Variants in SLC14A2 observed in about 807,000 individuals in gnomAD.
SLC14A2 encodes the protein urea transporter 2.
Under a neutral mutation model 104.6 loss-of-function variants are expected in SLC14A2, and 91 were observed. The ratio of observed to expected loss-of-function variants is 0.87; its 90% CI spans 0.73 to 1.04. The LOEUF (loss-of-function observed/expected upper bound fraction) is 1.04, where lower values mean the gene tolerates loss of function less well. Among genes scored for constraint, SLC14A2 ranks in the 50% least tolerant of loss-of-function variants. The pLI, the probability that SLC14A2 is intolerant of heterozygous loss-of-function variation, is 0.00. For missense variants in SLC14A2, 1,189 were observed against 1,156.0 expected, an observed-to-expected ratio of 1.03 and a Z score of -0.41; for synonymous variants, 476 against 466.4, an observed-to-expected ratio of 1.02 and a Z score of -0.27.
chr18:45,374,667 G>T (rs1252161329), intron 1 of SLC14A2, among the ~76,000 whole-genome samples: 1 of 152,134 alleles, frequency 6.6e-6, no homozygotes, highest in African/African-American at 2.4e-5. Context: ...AGCCTCAGCT[G>T]CTGAAAACTT....
intron 2 of SLC14A2, among the ~76,000 whole-genome samples, chr18:45,548,617 T>G (rs893890452): frequency 1.3e-5 from 2 of 152,168 alleles, no homozygotes; most frequent in Admixed American, 6.5e-5. Flanking sequence ...TGTGGGATGA[T>G]TGCTTGAACC....
chr18:45,566,408 C>T (rs1283117990), intron 2 of SLC14A2, among the ~76,000 whole-genome samples: 1 of 152,118 alleles, frequency 6.6e-6, no homozygotes. Flanking sequence ...AAACTTTATT[C>T]AGATTTCCTA....
intron 2 of SLC14A2, among the ~76,000 whole-genome samples, chr18:45,586,533 G>A (rs1257356548): frequency 6.6e-6 from 1 of 152,212 alleles, no homozygotes; most frequent in Non-Finnish European, 1.5e-5. Context: ...CTGCTGAATG[G>A]AGAATATTCT....
At position 45,375,277 on chromosome 18, in the gene SLC14A2, AT is replaced by A. The variant is rs1343947233; in HGVS notation, c.-124-107955del. Among the ~76,000 whole-genome samples, 4 of 152,350 alleles carry A rather than the reference AT, an allele frequency of 2.6e-5. No individual in the cohort carries two copies. In the East Asian group the frequency reaches 7.7e-4, roughly 29 times the overall value. ...GATTAAAAATTATGGTTTAGGAATC[AT>A]GCAGCTGGAGGCTAAAAGATTCTGA... On this transcript the variant is annotated intron_variant, in intron 1 of 20. Coordinates refer to the SLC14A2 transcript ENST00000586448.
intron 1 of SLC14A2, among the ~76,000 whole-genome samples, chr18:45,268,418 T>C (rs1056495833): frequency 6.6e-6 from 1 of 152,196 alleles, no homozygotes; most frequent in Admixed American, 6.6e-5. Flanking sequence ...AAACAGTCTC[T>C]AATACAGGAT....
rs146177036 is a variant in SLC14A2 at position 45,332,667 on chromosome 18, G to A, written c.-125+119476G>A. ...CATCAAAGAGAATTAAAAACCCAAA[G>A]AGGAATAAAAAATTGCAAAGTTGAG... On this transcript the variant is annotated intron_variant, in intron 1 of 20. Coordinates refer to the SLC14A2 transcript ENST00000586448. 4.3e-3 allele frequency among the ~76,000 whole-genome samples: 657 copies of A among 152,286 alleles called. 5 individuals are homozygous for A. The highest frequency in any genetic ancestry group is 0.015 in the African/African-American group (627 of 41,564).
At chr18:45,681,429 G>A (rs981072627) in intron 19 of SLC14A2, among the ~76,000 whole-genome samples, 21 of 152,196 alleles carry the variant, frequency 1.4e-4, no homozygotes, top group Non-Finnish European at 2.6e-4. Flanking sequence ...GATGTGCCTC[G>A]TAACTGAAGT....
At chr18:45,379,524 C>T (rs1204741634) in intron 1 of SLC14A2, among the ~76,000 whole-genome samples, 1 of 152,168 alleles carries the variant, frequency 6.6e-6, no homozygotes, top group Non-Finnish European at 1.5e-5. Context: ...AGTCATTACT[C>T]TTATCTGAAT....
At chr18:45,331,514 C>A (rs1490567828) in intron 1 of SLC14A2, among the ~76,000 whole-genome samples, 2 of 151,482 alleles carry the variant, frequency 1.3e-5, no homozygotes, top group African/African-American at 4.9e-5. Context: ...ACACGTGAAA[C>A]CCTGTCTGTA....
chr18:45,591,970 T>G (rs1002584832), intron 2 of SLC14A2, among the ~76,000 whole-genome samples: 1 of 152,124 alleles, frequency 6.6e-6, no homozygotes, highest in African/African-American at 2.4e-5. Context: ...GCCTTTTGAT[T>G]TTAACCTCTT....
chr18:45,295,605 C>A (rs982611002), intron 1 of SLC14A2, among the ~76,000 whole-genome samples: 1 of 152,116 alleles, frequency 6.6e-6, no homozygotes, highest in Non-Finnish European at 1.5e-5. Flanking sequence ...GCACATTTCT[C>A]GGAAGCAATC....
chr18:45,357,816 CT>C (rs1013013940), intron 1 of SLC14A2, among the ~76,000 whole-genome samples: 7 of 152,148 alleles, frequency 4.6e-5, no homozygotes, highest in African/African-American at 1.7e-4. Flanking sequence ...GGCTCATTCC[CT>C]GCCACATCTT....
At chr18:45,540,121 A>G (rs2043863946) in intron 2 of SLC14A2, among the ~76,000 whole-genome samples, 1 of 151,640 alleles carries the variant, frequency 6.6e-6, no homozygotes, top group Non-Finnish European at 1.5e-5. Flanking sequence ...TGATGAGGTG[A>G]CTGAGAGGGC....
At chr18:45,642,201 T>C (rs1297575369) in intron 8 of SLC14A2, among the ~76,000 whole-genome samples, 11 of 152,206 alleles carry the variant, frequency 7.2e-5, no homozygotes, top group Non-Finnish European at 1.5e-4. Flanking sequence ...AAGACTAGCG[T>C]CTGGAACAGC....
chr18:45,395,666 A>T (rs1306772349), intron 1 of SLC14A2, among the ~76,000 whole-genome samples: 2 of 152,150 alleles, frequency 1.3e-5, no homozygotes, highest in Admixed American at 1.3e-4. Flanking sequence ...CAAATCACAA[A>T]GCCAGTTAGA....
At chr18:45,608,126 A>G (rs1176715463) in intron 2 of SLC14A2, among the ~76,000 whole-genome samples, 1 of 152,242 alleles carries the variant, frequency 6.6e-6, no homozygotes, top group African/African-American at 2.4e-5. Context: ...TGTGACTGGT[A>G]CATAATAGGT....
Position 45,625,671 on chromosome 18 carries a change from T to C in SLC14A2, c.151-12T>C. The C allele has an allele frequency of 1.3e-6, 2 of 1,524,592 alleles. No homozygotes were observed. The highest frequency in any genetic ancestry group is 2.6e-5 in the East Asian group (1 of 39,194). 94.4% of individuals were successfully genotyped at this position (1,524,592 alleles called of 1,614,324 possible). A position where few individuals can be genotyped will look rare whatever the true frequency, so the allele number is the denominator to read the frequency against. On this transcript the variant is annotated splice_polypyrimidine_tract_variant and intron_variant, in intron 2 of 19. Transcript: ENST00000255226. ...CTGTATCATTTGATGTCTGGTTGGTTTCTCCTAAAAGGATCTCCGGTCTTC... is the reference window on the plus strand; with the variant it reads ...CTGTATCATTTGATGTCTGGTTGGTCTCTCCTAAAAGGATCTCCGGTCTTC...
intron 1 of SLC14A2, among the ~76,000 whole-genome samples, chr18:45,294,724 G>A (rs556945177): frequency 7.4e-4 from 112 of 152,270 alleles, no homozygotes; most frequent in Admixed American, 6.5e-3. Flanking sequence ...GAAACACACC[G>A]CACAGTGGCA....
chr18:45,598,125 T>C (rs1384632935), intron 2 of SLC14A2, among the ~76,000 whole-genome samples: 1 of 152,192 alleles, frequency 6.6e-6, no homozygotes, highest in Admixed American at 6.5e-5. Flanking sequence ...CGTACTGTAC[T>C]GTAGAGACCC....
Sources: gnomAD v4.1 joint callset for allele counts (sites outside exome capture counted in the v4.1 genomes callset) on GRCh38, gnomAD v4.1.1 for gene constraint, MANE v1.5 for transcripts, NCBI Gene and HGNC (gene_info 2026-07-23, HGNC 2026-07-21) for gene names.